Variants in LARGE1 observed in about 807,000 individuals in gnomAD.
The protein encoded by LARGE1 is xylosyl- and glucuronyltransferase LARGE1.
Under a neutral mutation model 87.6 loss-of-function variants are expected in LARGE1, and 43 were observed. The ratio of observed to expected loss-of-function variants is 0.49; its 90% CI spans 0.38 to 0.63. The LOEUF (loss-of-function observed/expected upper bound fraction) is 0.63, where lower values mean the gene tolerates loss of function less well. Among genes scored for constraint, LARGE1 ranks in the 30% least tolerant of loss-of-function variants. LARGE1 has a pLI of 0.00. For missense variants in LARGE1, 802 were observed against 1,000.2 expected (o/e 0.80, Z 2.67); for synonymous variants, 434 against 394.6 (o/e 1.10, Z -1.18).
chr22:33,630,459 A>G (rs1250782368), intron 3 of LARGE1, among the ~76,000 whole-genome samples: 1 of 152,224 alleles, frequency 6.6e-6, no homozygotes, highest in Non-Finnish European at 1.5e-5. Context: ...CACATAGGCT[A>G]TATACTAGAG....
chr22:33,097,176 T>C, the LARGE1 span, among the ~76,000 whole-genome samples: 2 of 152,140 alleles, frequency 1.3e-5, no homozygotes, highest in Non-Finnish European at 2.9e-5. Flanking sequence ...AACACAGCAC[T>C]GGAGGAAGAG....
intron 2 of LARGE1, among the ~76,000 whole-genome samples, chr22:33,657,895 C>A (rs1426558208): frequency 1.3e-5 from 2 of 151,754 alleles, no homozygotes; most frequent in Non-Finnish European, 2.9e-5. Context: ...TTATGCAACG[C>A]TGTCATGAAG....
the LARGE1 span, chr22:33,108,968 T>A: frequency 6.6e-6 from 1 of 152,140 alleles, no homozygotes; most frequent in East Asian, 1.9e-4. Context: ...ATCTTTATAA[T>A]GAGGTAATAA....
At chr22:33,778,391 A>G (rs1414288336) in intron 1 of LARGE1, among the ~76,000 whole-genome samples, 2 of 152,224 alleles carry the variant, frequency 1.3e-5, no homozygotes, top group African/African-American at 4.8e-5. Context: ...CATGGCATTT[A>G]GTACATTCAC....
the LARGE1 span, among the ~76,000 whole-genome samples, chr22:33,109,830 G>C: frequency 6.6e-6 from 1 of 152,068 alleles, no homozygotes; most frequent in Non-Finnish European, 1.5e-5. Flanking sequence ...TCTCCTTCTT[G>C]CTCCCGCTCT....
At chr22:33,584,990 G>A (rs2078628373) in intron 5 of LARGE1, among the ~76,000 whole-genome samples, 1 of 151,946 alleles carries the variant, frequency 6.6e-6, no homozygotes, top group African/African-American at 2.4e-5. Flanking sequence ...GGTGATGCGC[G>A]CCTGTAATCC....
At chr22:33,846,416 T>C (rs1275499017) in intron 1 of LARGE1, among the ~76,000 whole-genome samples, 6 of 152,220 alleles carry the variant, frequency 3.9e-5, no homozygotes, top group African/African-American at 1.4e-4. Context: ...GAGGAGGATG[T>C]ATGTCGCCTC....
intron 1 of LARGE1, among the ~76,000 whole-genome samples, chr22:33,770,579 G>A (rs1397727980): frequency 1.3e-5 from 2 of 152,058 alleles, no homozygotes; most frequent in African/African-American, 2.4e-5. Context: ...CAGCTACTCC[G>A]GAGGCTGAGG....
At chr22:33,135,868 A>G in the LARGE1 span, among the ~76,000 whole-genome samples, 926 of 152,040 alleles carry the variant, frequency 6.1e-3, 23 homozygotes, top group Admixed American at 0.044. Flanking sequence ...AAAATAAAAT[A>G]AAATAAAATA....
intron 9 of LARGE1, among the ~76,000 whole-genome samples, chr22:33,364,149 G>C (rs1053355642): frequency 3.9e-5 from 6 of 151,920 alleles, no homozygotes; most frequent in Non-Finnish European, 8.8e-5. Context: ...CCGCCCCCCG[G>C]GTTCACGCCA....
At chr22:33,260,180 T>C (rs560204799) in intron 11 of LARGE1, among the ~76,000 whole-genome samples, 122 of 152,182 alleles carry the variant, frequency 8.0e-4, no homozygotes, top group African/African-American at 2.8e-3. Context: ...TTGCCCACAT[T>C]TTCTTCCCAC....
chr22:33,075,298 T>G, the LARGE1 span, among the ~76,000 whole-genome samples: 2 of 152,122 alleles, frequency 1.3e-5, no homozygotes, highest in South Asian at 4.2e-4. Flanking sequence ...GTCTTCTAAC[T>G]TTAGAATAGT....
At chr22:33,502,989 T>C (rs2070551092) in intron 6 of LARGE1, among the ~76,000 whole-genome samples, 1 of 152,184 alleles carries the variant, frequency 6.6e-6, no homozygotes, top group Non-Finnish European at 1.5e-5. Flanking sequence ...AAAGAATAGC[T>C]GAAAAACCCA....
chr22:33,307,775 CTTTT>C (rs3216417), intron 11 of LARGE1, among the ~76,000 whole-genome samples: 1 of 144,836 alleles, frequency 6.9e-6, no homozygotes, highest in Admixed American at 6.9e-5. Flanking sequence ...TTTTTCTTTT[CTTTT>C]TTTTTTTTGA....
At chr22:33,592,071 GGGAGGAGAGA>G (rs1299567318) in intron 5 of LARGE1, among the ~76,000 whole-genome samples, 1 of 137,268 alleles carries the variant, frequency 7.3e-6, no homozygotes, top group Non-Finnish European at 1.6e-5. Flanking sequence ...GAGAAGGGAG[GGGAGGAGAGA>G]GGAGGGGAGG....
intron 9 of LARGE1, among the ~76,000 whole-genome samples, chr22:33,340,066 T>C (rs1938975311): frequency 6.7e-6 from 1 of 148,890 alleles, no homozygotes; most frequent in African/African-American, 2.6e-5. Flanking sequence ...GATTCATTAT[T>C]ACTATAGAAT....
chr22:33,778,771 C>T (rs976188142), intron 1 of LARGE1, among the ~76,000 whole-genome samples: 6 of 152,176 alleles, frequency 3.9e-5, no homozygotes, highest in Non-Finnish European at 7.3e-5. Flanking sequence ...CTGCCTCAGC[C>T]TCCCCAGTAG....
At chr22:33,778,130 A>G (rs1174107245) in intron 1 of LARGE1, among the ~76,000 whole-genome samples, 2 of 152,208 alleles carry the variant, frequency 1.3e-5, no homozygotes, top group Non-Finnish European at 2.9e-5. Context: ...ATTCTTTTAG[A>G]CAGATGGAAA....
intron 1 of LARGE1, among the ~76,000 whole-genome samples, chr22:33,811,506 ACTAGGAGT>A (rs545235406): frequency 3.3e-5 from 5 of 152,206 alleles, no homozygotes; most frequent in Non-Finnish European, 5.9e-5. Context: ...TTGAAGGATT[ACTAGGAGT>A]CTGACAGGGA....
Sources: allele counts gnomAD v4.1 joint callset (sites outside exome capture counted in the v4.1 genomes callset), GRCh38; gene constraint gnomAD v4.1.1; transcripts MANE v1.5; gene names NCBI Gene and HGNC (gene_info 2026-07-23, HGNC 2026-07-21).